PHIP: variants seen among roughly 807,000 people sequenced by gnomAD.
PHIP encodes PHIP subunit of CUL4-Ring ligase complex.
Under a neutral mutation model 236.8 loss-of-function variants are expected in PHIP, and 54 were observed. That is an observed-to-expected ratio of 0.23 (90% CI 0.18 to 0.29). PHIP has a LOEUF of 0.29. PHIP is among the 10% of genes least tolerant of loss of function. The pLI is 1.00. For missense variants in PHIP, 1,370 were observed against 2,190.8 expected, an observed-to-expected ratio of 0.63 and a Z score of 7.48; for synonymous variants, 756 against 718.9, an observed-to-expected ratio of 1.05 and a Z score of -0.83.
intron 24 of PHIP, among the ~76,000 whole-genome samples, chr6:78,972,493 A>G (rs1384245194): frequency 6.6e-6 from 1 of 152,244 alleles, no homozygotes; most frequent in Non-Finnish European, 1.5e-5. Flanking sequence ...AAAGGAACAC[A>G]GCTCCTCACC....
rs1225876344 is a variant in PHIP, at chr6:78,940,639, A to T, written c.*54T>A. The T allele has an allele frequency of 1.8e-6, 2 of 1,116,708 alleles. No homozygotes were observed. Among genetic ancestry groups the T allele is most frequent in the Non-Finnish European group, 2.5e-6 (2 of 813,108 alleles). 69.2% of individuals were successfully genotyped at this position (1,116,708 alleles called of 1,614,324 possible). ...GGAAGCAGAAGCCTTAGTTCTACTT[A>T]TTCCTTAACTGTACCTGCTTTATAG... On this transcript the variant is annotated 3_prime_UTR_variant, in exon 40 of 40. Coordinates refer to ENST00000275034, the MANE Select transcript of PHIP (RefSeq NM_017934.7).
intron 17 of PHIP, among the ~76,000 whole-genome samples, 187 bp from the exon 18 acceptor site, chr6:78,998,578 T>C (rs890323836): frequency 4.6e-5 from 7 of 152,088 alleles, no homozygotes; most frequent in Admixed American, 4.6e-4. Context: ...TCTTAGTTTA[T>C]CAAAAATAAC....
chr6:79,064,586 CCTAA>C (rs1773533113), intron 4 of PHIP, among the ~76,000 whole-genome samples: 1 of 152,166 alleles, frequency 6.6e-6, no homozygotes, highest in Non-Finnish European at 1.5e-5. Context: ...TAATATTTCA[CCTAA>C]CTGTTGAACA....
At chr6:78,966,452 A>G (rs1271760448) in intron 27 of PHIP, among the ~76,000 whole-genome samples, 1 of 152,162 alleles carries the variant, frequency 6.6e-6, no homozygotes, top group Admixed American at 6.5e-5. Context: ...ACTTTCTGTA[A>G]GCAAGTTTCC....
chr6:79,033,452 G>A (rs748562969), intron 7 of PHIP, among the ~76,000 whole-genome samples: 6 of 152,060 alleles, frequency 3.9e-5, no homozygotes, highest in South Asian at 4.1e-4. Flanking sequence ...GATAATTTGC[G>A]GCAACTACTT....
chr6:78,938,272 TAC>T lies in PHIP; in HGVS notation c.*2419_*2420del, dbSNP rs1306956067. 1.3e-5 allele frequency: 2 copies of T among 151,702 alleles called. No individual in the cohort carries two copies. Among genetic ancestry groups the T allele is most frequent in the East Asian group, 1.9e-4 (1 of 5,202 alleles). 9.4% of individuals were successfully genotyped at this position (151,702 alleles called of 1,614,324 possible). A position where few individuals can be genotyped will look rare whatever the true frequency, so the allele number is the denominator to read the frequency against. On this transcript the variant is annotated 3_prime_UTR_variant, in exon 40 of 40. Transcript: ENST00000275034. ...TAATGTCCAAATAAGGTCATAAATA[TAC>T]AGTGTCTGTAGAACAGGAATAATAC...
intron 7 of PHIP, among the ~76,000 whole-genome samples, chr6:79,036,578 T>C (rs1022188017): frequency 2.6e-5 from 4 of 152,146 alleles, no homozygotes; most frequent in African/African-American, 9.7e-5. Context: ...TCTCTCCATA[T>C]AACATACACA....
chr6:78,970,988 T>A (rs1767498558), intron 24 of PHIP, 100 bp from the exon 25 acceptor site: 2 of 730,526 alleles, frequency 2.7e-6, no homozygotes, highest in Admixed American at 6.5e-5. Flanking sequence ...TAATGCCTTT[T>A]CAGCTAATAG....
At chr6:78,941,450 T>C (rs940766266) in intron 39 of PHIP, 120 bp from the exon 40 acceptor site, 1 of 593,344 alleles carries the variant, frequency 1.7e-6, no homozygotes, top group Non-Finnish European at 2.8e-6. Context: ...AATTATTTTA[T>C]TAAAATGAGA....
intron 24 of PHIP, among the ~76,000 whole-genome samples, chr6:78,975,159 A>C (rs1241498768): frequency 6.6e-6 from 1 of 151,912 alleles, no homozygotes; most frequent in South Asian, 2.1e-4. Flanking sequence ...GCAGCACATC[A>C]AAAAGCTTAT....
chr6:78,971,214 T>C (rs1290201152), intron 24 of PHIP, among the ~76,000 whole-genome samples: 1 of 152,216 alleles, frequency 6.6e-6, no homozygotes, highest in Non-Finnish European at 1.5e-5. Context: ...CCACTTTTGT[T>C]GTTAACTTTT....
intron 7 of PHIP, among the ~76,000 whole-genome samples, chr6:79,030,338 T>C (rs1771608906): frequency 6.6e-6 from 1 of 152,134 alleles, no homozygotes; most frequent in Non-Finnish European, 1.5e-5. Flanking sequence ...ACTGACATAG[T>C]TTTTTCAGCA....
intron 9 of PHIP, 82 bp downstream of exon 9, chr6:79,025,437 C>A: frequency 1.3e-6 from 1 of 755,538 alleles, no homozygotes; most frequent in Non-Finnish European, 2.3e-6. Flanking sequence ...AAATGTATTC[C>A]TATTGTCGAC....
chr6:79,073,897 A>G (rs933125701), intron 4 of PHIP, among the ~76,000 whole-genome samples: 1 of 152,144 alleles, frequency 6.6e-6, no homozygotes, highest in African/African-American at 2.4e-5. Flanking sequence ...TGTGTTTTGG[A>G]AAACTAAGCT....
intron 4 of PHIP, among the ~76,000 whole-genome samples, chr6:79,063,728 T>A (rs971054419): frequency 1.3e-5 from 2 of 152,168 alleles, no homozygotes; most frequent in East Asian, 3.9e-4. Context: ...TCTAACAGTT[T>A]TAAAACACTT....
At chr6:79,048,668 GTTT>G (rs1183467486) in intron 6 of PHIP, among the ~76,000 whole-genome samples, 1 of 152,028 alleles carries the variant, frequency 6.6e-6, no homozygotes, top group Non-Finnish European at 1.5e-5. Flanking sequence ...AAAGGTTAGT[GTTT>G]TTTGTTATTA....
chr6:78,997,616 A>G lies in PHIP; in HGVS notation c.2018-19T>C. On this transcript the variant is annotated intron_variant, in intron 18 of 39. Transcript: ENST00000275034. ...ATGGAGCCTAAGTGAAAAAGTTACT[A>G]TATTAAGTTCTACTTAGAGATATTT... 1.9e-6 allele frequency: 3 copies of G among 1,588,108 alleles called. No homozygotes were observed. Among genetic ancestry groups the G allele is most frequent in the Non-Finnish European group, 2.6e-6 (3 of 1,159,016 alleles).
intron 22 of PHIP, among the ~76,000 whole-genome samples, chr6:78,984,181 C>T (rs916765326): frequency 6.6e-6 from 1 of 152,088 alleles, no homozygotes. Context: ...TAAGCACGTA[C>T]CTAAATCTCT....
intron 9 of PHIP, 61 bp downstream of exon 9, chr6:79,025,458 T>C: frequency 1.0e-6 from 1 of 963,188 alleles, no homozygotes. Context: ...TACTTTATAC[T>C]TTTGCAATTT....
Sources: gnomAD v4.1 joint callset for allele counts (sites outside exome capture counted in the v4.1 genomes callset) on GRCh38, gnomAD v4.1.1 for gene constraint, MANE v1.5 for transcripts, NCBI Gene and HGNC (gene_info 2026-07-23, HGNC 2026-07-21) for gene names.